Variants in FOXJ3 observed in about 807,000 individuals in gnomAD.
The protein encoded by FOXJ3 is forkhead box J3.
FOXJ3 carries 22 observed loss-of-function variants against 76.1 expected under a neutral mutation model. That is an observed-to-expected ratio of 0.29 (90% confidence interval 0.21 to 0.41). The LOEUF (loss-of-function observed/expected upper bound fraction) is 0.41, where lower values mean the gene tolerates loss of function less well. Ranked by LOEUF, FOXJ3 falls within the 10% of genes least tolerant of loss-of-function variation. The pLI is 1.00. For missense variants in FOXJ3, 613 were observed against 762.1 expected (o/e 0.80, Z 2.30); for synonymous variants, 269 against 261.2 (o/e 1.03, Z -0.29).
In FOXJ3 at chr1:42,205,879, AAAAT is replaced by A. The variant is rs1372521966; in HGVS notation, c.529-20_529-17del. On this transcript the variant is annotated splice_polypyrimidine_tract_variant and intron_variant, in intron 5 of 12. Coordinates refer to ENST00000361346, the MANE Select transcript of FOXJ3 (RefSeq NM_014947.5). ...GAGTTGAGGCCTAAAATACAAGAAC[AAAAT>A]AAATAATTATTAGCTCATATATCCA... is the stretch of plus-strand genomic sequence containing the variant. The A allele has an allele frequency of 4.2e-6, 6 of 1,444,352 alleles. No homozygotes were observed. In the Admixed American group the frequency reaches 6.9e-5, roughly 17 times the overall value. The allele number at this position is 1,444,352 out of a possible 1,614,324, so 89.5% of individuals were successfully genotyped here.
chr1:42,315,558 A>C, intron 1 of FOXJ3: 2 of 208,142 alleles, frequency 9.6e-6, no homozygotes, highest in Non-Finnish European at 1.7e-5. Context: ...TCAATGCTTT[A>C]GTTCCAGTGT....
intron 2 of FOXJ3, among the ~76,000 whole-genome samples, chr1:42,284,490 T>C (rs149008681): frequency 4.8e-4 from 73 of 152,332 alleles, no homozygotes; most frequent in Non-Finnish European, 9.0e-4. Flanking sequence ...TTTGCTAAGA[T>C]AGGTACTGCC....
intron 1 of FOXJ3, among the ~76,000 whole-genome samples, chr1:42,314,678 C>A (rs1187818356): frequency 6.6e-6 from 1 of 152,184 alleles, no homozygotes; most frequent in Non-Finnish European, 1.5e-5. Context: ...TGAGGGGCTG[C>A]AGAAAGTCAG....
intron 2 of FOXJ3, among the ~76,000 whole-genome samples, chr1:42,308,284 T>A (rs1570221486): frequency 6.6e-6 from 1 of 152,198 alleles, no homozygotes; most frequent in Admixed American, 6.5e-5. Context: ...TAGTTTTGAG[T>A]TACCTTAAGA....
chr1:42,270,618 G>C (rs1651798534), intron 3 of FOXJ3, among the ~76,000 whole-genome samples: 1 of 152,142 alleles, frequency 6.6e-6, no homozygotes, highest in African/African-American at 2.4e-5. Context: ...GAAGTGGAGA[G>C]GCAGAAATAA....
chr1:42,261,751 G>A (rs769001253), intron 4 of FOXJ3, among the ~76,000 whole-genome samples: 3 of 152,116 alleles, frequency 2.0e-5, no homozygotes, highest in Non-Finnish European at 2.9e-5. Flanking sequence ...TATAAAGTCC[G>A]TCCCATACCC....
intron 12 of FOXJ3, 42 bp downstream of exon 12, chr1:42,181,875 A>T: frequency 1.5e-6 from 2 of 1,305,312 alleles, no homozygotes; most frequent in Non-Finnish European, 2.2e-6. Context: ...TCACACACAC[A>T]CACACACACA....
Position 42,188,865 on chromosome 1 carries a change from G to C in FOXJ3, c.1517C>G (p.Ala506Gly). ...CTGATTAAGAGAAGAACAAAGATCG[G>C]CAAACTGAACCTGGTCTAAAGACCA... is the stretch of plus-strand genomic sequence containing the variant. ...KNWSLDQVQF[A>G]DLCSSLNQFF... The change falls in exon 11 of 13, where the codon GCC becomes GGC. Residue 506 changes from alanine to glycine, a missense_variant. Transcript: ENST00000361346. 16 of 1,612,924 alleles carry C rather than the reference G, an allele frequency of 9.9e-6. No homozygotes were observed. The highest frequency in any genetic ancestry group is 1.4e-5 in the Non-Finnish European group (16 of 1,179,128).
chr1:42,241,566 G>A (rs1210779988), intron 4 of FOXJ3, among the ~76,000 whole-genome samples: 1 of 152,150 alleles, frequency 6.6e-6, no homozygotes, highest in African/African-American at 2.4e-5. Context: ...GGGGCCCTGA[G>A]GACAAACCCA....
chr1:42,305,928 G>T (rs1405088652), intron 2 of FOXJ3, among the ~76,000 whole-genome samples: 1 of 152,170 alleles, frequency 6.6e-6, no homozygotes, highest in Admixed American at 6.5e-5. Flanking sequence ...ACTTACGGAT[G>T]TGATTATGCA....
intron 3 of FOXJ3, among the ~76,000 whole-genome samples, chr1:42,265,829 G>T (rs1418361385): frequency 6.6e-6 from 1 of 152,100 alleles, no homozygotes; most frequent in Admixed American, 6.6e-5. Flanking sequence ...CAGGGAGCTG[G>T]GAAGAACATC....
chr1:42,269,460 C>CT lies in FOXJ3; in HGVS notation c.370-4272dup, dbSNP rs1009508421. On this transcript the variant is annotated intron_variant, in intron 3 of 12. Transcript: ENST00000361346. ...AAATCTTCAGGGTTCTGCCCTATGT[C>CT]TTTTTCATTTCTACATCTGCTGCCT... is the stretch of plus-strand genomic sequence containing the variant. Among the ~76,000 whole-genome samples the CT allele has an allele frequency of 6.0e-4, 92 of 152,232 alleles. 2 individuals carry two copies. The highest frequency in any genetic ancestry group is 2.0e-3 in the African/African-American group (83 of 41,546).
At chr1:42,209,496 A>G (rs1646925164) in intron 5 of FOXJ3, among the ~76,000 whole-genome samples, 1 of 152,160 alleles carries the variant, frequency 6.6e-6, no homozygotes, top group South Asian at 2.1e-4. Context: ...CAGGTAGAAA[A>G]CTGTGTCTCT....
rs1324429188 is a variant in FOXJ3 at position 42,274,886 on chromosome 1, C to CG, written c.369+3461dup. Among the ~76,000 whole-genome samples the CG allele has an allele frequency of 7.5e-4, 112 of 149,250 alleles. No individual in the cohort carries two copies. The Middle Eastern group carries it at 0.017, about 23-fold the overall frequency. Reference sequence around the variant, plus strand: ...AATATCAACTAAAAAAAAAAGGCGGCGGGGGGGCAAAAGAGACAAGGTCCA... The same window carrying CG: ...AATATCAACTAAAAAAAAAAGGCGGCGGGGGGGGCAAAAGAGACAAGGTCCA... On this transcript the variant is annotated intron_variant, in intron 3 of 12. Transcript: ENST00000361346.
At chr1:42,279,449 G>A (rs1270349928) in intron 2 of FOXJ3, among the ~76,000 whole-genome samples, 1 of 152,146 alleles carries the variant, frequency 6.6e-6, no homozygotes, top group African/African-American at 2.4e-5. Context: ...TAAATGGTCA[G>A]CAAGAAAAGA....
intron 2 of FOXJ3, among the ~76,000 whole-genome samples, chr1:42,301,360 T>TA (rs1160436339): frequency 6.6e-6 from 1 of 151,994 alleles, no homozygotes; most frequent in Non-Finnish European, 1.5e-5. Context: ...AATGCCCTGC[T>TA]AATTTTTTTT....
intron 12 of FOXJ3, 111 bp downstream of exon 12, chr1:42,181,806 A>G: frequency 1.6e-6 from 1 of 612,102 alleles, no homozygotes; most frequent in East Asian, 3.1e-5. Flanking sequence ...ACTCTGGGTA[A>G]TAACTGACAC....
At chr1:42,277,421 G>T (rs931047637) in intron 3 of FOXJ3, among the ~76,000 whole-genome samples, 4 of 151,864 alleles carry the variant, frequency 2.6e-5, no homozygotes, top group African/African-American at 9.7e-5. Context: ...CCAGCACTTT[G>T]GGAGGCCGAG....
chr1:42,191,715 C>A lies in FOXJ3; in HGVS notation c.939G>T (p.Leu313Phe). 1.2e-6 allele frequency: 2 copies of A among 1,607,976 alleles called. No individual in the cohort carries two copies. The highest frequency in any genetic ancestry group is 1.7e-6 in the Non-Finnish European group (2 of 1,174,974). ...GGGAAGATTCAGAAGGGATGTTCAT[C>A]AAACCTAAAAACAAAGCAAGATCAT... ...VFEQSLSQQGLMNIPSESSQQ... is the reference protein window; with the variant it reads ...VFEQSLSQQGFMNIPSESSQQ... The change falls in exon 9 of 13, where the codon TTG becomes TTT. Residue 313 changes from leucine to phenylalanine, a missense_variant. Physicochemically the swap from Leu to Phe is conservative, Grantham distance 22. Around this residue, in one of 3 missense-constraint regions of FOXJ3, gnomAD observed 526 missense variants for 601.4 expected, o/e 0.87. Coordinates refer to ENST00000361346, the MANE Select transcript of FOXJ3 (RefSeq NM_014947.5).
Sources: gnomAD v4.1 joint callset for allele counts (sites outside exome capture counted in the v4.1 genomes callset) on GRCh38, gnomAD v4.1.1 for gene constraint, gnomAD v4.1.1 regional missense constraint, MANE v1.5 for transcripts, NCBI Gene and HGNC (gene_info 2026-07-23, HGNC 2026-07-21) for gene names.